Variants in PHACTR3 observed in about 807,000 individuals in gnomAD.
PHACTR3 encodes the protein protein phosphatase 1, regulatory subunit 123.
A neutral mutation model predicts 66.8 loss-of-function variants in PHACTR3; 16 were observed. The observed-to-expected ratio is 0.24, with a 90% CI of 0.16 to 0.36. The LOEUF (loss-of-function observed/expected upper bound fraction) is 0.36. Among genes scored for constraint, PHACTR3 ranks in the 10% least tolerant of loss-of-function variants. The pLI is 1.00. For missense variants in PHACTR3, 647 were observed against 719.9 expected, an observed-to-expected ratio of 0.90 and a Z score of 1.16; for synonymous variants, 323 against 292.1, an observed-to-expected ratio of 1.11 and a Z score of -1.08.
chr20:59,624,595 C>T (rs1200516782), intron 1 of PHACTR3, among the ~76,000 whole-genome samples: 6 of 152,120 alleles, frequency 3.9e-5, no homozygotes, highest in Admixed American at 6.5e-5. Flanking sequence ...TCCTGGCAGC[C>T]GGGTGTGCAG....
intron 1 of PHACTR3, among the ~76,000 whole-genome samples, chr20:59,653,436 G>A (rs6128655): frequency 0.052 from 7,877 of 152,158 alleles, 463 homozygotes; most frequent in East Asian, 0.29. Context: ...ACCTGCCTTG[G>A]CCTCCCAAAA....
In PHACTR3 at chr20:59,747,846, C is replaced by T; in HGVS notation, c.358+11C>T. The T allele has an allele frequency of 6.2e-7, 1 of 1,613,012 alleles. No homozygotes were observed. Among genetic ancestry groups the T allele is most frequent in the Non-Finnish European group, 8.5e-7 (1 of 1,179,374 alleles). On this transcript the variant is annotated intron_variant, in intron 3 of 12. Transcript: ENST00000371015. The stretch of plus-strand genomic sequence containing the variant: ...AGATGATGGAGCAGGGTAAGTGGGA[C>T]CCGTCCCTGGCTTGGAAGGGCACGG...
At chr20:59,822,430 G>A (rs1208042746) in intron 8 of PHACTR3, among the ~76,000 whole-genome samples, 3 of 150,816 alleles carry the variant, frequency 2.0e-5, no homozygotes, top group Non-Finnish European at 2.9e-5. Context: ...GCAGGCGTGG[G>A]GGAGGGGAGG....
intron 1 of PHACTR3, among the ~76,000 whole-genome samples, chr20:59,688,046 T>C (rs1293393808): frequency 6.6e-6 from 1 of 152,186 alleles, no homozygotes; most frequent in Non-Finnish European, 1.5e-5. Context: ...TTGACGGGCA[T>C]GGGGTCTTGC....
intron 1 of PHACTR3, among the ~76,000 whole-genome samples, chr20:59,673,828 G>T (rs1296956450): frequency 1.3e-5 from 2 of 152,106 alleles, no homozygotes; most frequent in Non-Finnish European, 2.9e-5. Flanking sequence ...GTCCGAACTG[G>T]GTAGTTTTGT....
intron 1 of PHACTR3, among the ~76,000 whole-genome samples, chr20:59,638,568 G>GGTGC (rs1380692350): frequency 7.0e-6 from 1 of 143,770 alleles, no homozygotes; most frequent in African/African-American, 2.5e-5. Flanking sequence ...TAGGTGGGTG[G>GGTGC]GTGGGTGCGT....
At chr20:59,757,490 CAG>C (rs1341870123) in intron 4 of PHACTR3, among the ~76,000 whole-genome samples, 8 of 151,612 alleles carry the variant, frequency 5.3e-5, no homozygotes, top group African/African-American at 9.7e-5. Context: ...CATGCAAAGA[CAG>C]GGGACAGGAA....
At chr20:59,648,940 C>T (rs919434916) in intron 1 of PHACTR3, among the ~76,000 whole-genome samples, 4 of 152,138 alleles carry the variant, frequency 2.6e-5, no homozygotes, top group Admixed American at 6.5e-5. Context: ...CCTGTTGTTC[C>T]GGCTTGGGAA....
At chr20:59,725,832 C>T (rs1012257433) in intron 1 of PHACTR3, among the ~76,000 whole-genome samples, 3 of 152,148 alleles carry the variant, frequency 2.0e-5, no homozygotes, top group African/African-American at 7.2e-5. Flanking sequence ...TGCAGGAGGA[C>T]AGAGAGGCTG....
chr20:59,614,596 C>T (rs957956405), intron 1 of PHACTR3, among the ~76,000 whole-genome samples: 6 of 152,274 alleles, frequency 3.9e-5, no homozygotes, highest in African/African-American at 1.2e-4. Flanking sequence ...TGTGGCTATA[C>T]GACCTAAGAA....
intron 4 of PHACTR3, 43 bp from the exon 5 acceptor site, chr20:59,767,143 A>G (rs1259352167): frequency 1.2e-6 from 2 of 1,603,528 alleles, no homozygotes; most frequent in African/African-American, 2.7e-5. Context: ...CACTGCTGTC[A>G]GAGGAAACAT....
At chr20:59,641,933 G>T (rs1361475988) in intron 1 of PHACTR3, among the ~76,000 whole-genome samples, 1 of 152,070 alleles carries the variant, frequency 6.6e-6, no homozygotes, top group Non-Finnish European at 1.5e-5. Flanking sequence ...ACCTCCCAAG[G>T]CCCCTCACGG....
chr20:59,747,219 C>T (rs1029637675), intron 2 of PHACTR3, among the ~76,000 whole-genome samples: 19 of 152,212 alleles, frequency 1.2e-4, no homozygotes, highest in Admixed American at 1.1e-3. Flanking sequence ...CTGGCCTCCT[C>T]CCTTCCTGTC....
rs6027135 is a variant in PHACTR3 at position 59,812,371 on chromosome 20, C to T, written c.1328+6177C>T. Among the ~76,000 whole-genome samples, 57 of 152,296 alleles carry T rather than the reference C, an allele frequency of 3.7e-4. 1 individual carries two copies. The highest frequency in any genetic ancestry group is 1.3e-3 in the African/African-American group (52 of 41,542). On this transcript the variant is annotated intron_variant, in intron 8 of 12. Transcript: ENST00000371015. ...TGAGTGGCTTCTCTGCACGTTTTGTCCTGTGGCCTCCAGAACACGCTGCAC... is the reference window on the plus strand; with the variant it reads ...TGAGTGGCTTCTCTGCACGTTTTGTTCTGTGGCCTCCAGAACACGCTGCAC...
At chr20:59,618,234 G>A (rs2034104789) in intron 1 of PHACTR3, among the ~76,000 whole-genome samples, 1 of 152,228 alleles carries the variant, frequency 6.6e-6, no homozygotes, top group Admixed American at 6.5e-5. Context: ...GGGCTGCAGG[G>A]GAGCTGGGAG....
At chr20:59,697,222 C>T (rs568910074) in intron 1 of PHACTR3, among the ~76,000 whole-genome samples, 1 of 152,312 alleles carries the variant, frequency 6.6e-6, no homozygotes, top group Admixed American at 6.5e-5. Flanking sequence ...TTCCCCAGAG[C>T]CTGTTGACAA....
rs114487581 is a variant in PHACTR3 at position 59,758,350 on chromosome 20, A to G, written c.541+2986A>G. ...TAGTATTGGCTTCTCATTTTGGGCA[A>G]TGATAGAGATTTGCTTTTTCTTATA... On this transcript the variant is annotated intron_variant, in intron 4 of 12. Transcript: ENST00000371015. Among the ~76,000 whole-genome samples, 1,117 of 152,350 alleles carry G rather than the reference A, an allele frequency of 7.3e-3. 15 individuals are homozygous for G. The highest frequency in any genetic ancestry group is 0.026 in the African/African-American group (1,072 of 41,578).
At chr20:59,639,210 G>A (rs184607823) in intron 1 of PHACTR3, among the ~76,000 whole-genome samples, 5 of 152,238 alleles carry the variant, frequency 3.3e-5, no homozygotes, top group Admixed American at 3.3e-4. Flanking sequence ...GCAGCTGGAA[G>A]GACAGTGGTG....
At chr20:59,618,671 C>G (rs922456293) in intron 1 of PHACTR3, among the ~76,000 whole-genome samples, 4 of 152,250 alleles carry the variant, frequency 2.6e-5, no homozygotes, top group Admixed American at 2.6e-4. Context: ...CAGCCAAAGG[C>G]TCCTCCCAGG....
Sources: allele counts gnomAD v4.1 joint callset (sites outside exome capture counted in the v4.1 genomes callset), GRCh38; gene constraint gnomAD v4.1.1; transcripts MANE v1.5; gene names NCBI Gene and HGNC (gene_info 2026-07-23, HGNC 2026-07-21).